PAN2: variants seen among roughly 807,000 people sequenced by gnomAD.
PAN2 encodes the protein PAN2-PAN3 deadenylation complex catalytic subunit PAN2.
A neutral mutation model predicts 133.3 loss-of-function variants in PAN2; 68 were observed. The ratio of observed to expected loss-of-function variants is 0.51; its 90% CI spans 0.42 to 0.62. PAN2 has a LOEUF of 0.62. Among genes scored for constraint, PAN2 ranks in the 20% least tolerant of loss-of-function variants. PAN2 has a pLI of 0.00. For synonymous variants in PAN2, 462 were observed against 544.6 expected, an observed-to-expected ratio of 0.85 and a Z score of 2.11; for missense variants, 1,042 against 1,500.5, an observed-to-expected ratio of 0.69 and a Z score of 5.05.
Position 56,317,183 on chromosome 12 carries a change from G to C in PAN2, c.*426C>G, listed in dbSNP as rs1874023228. 2 of 159,306 alleles carry C rather than the reference G, an allele frequency of 1.3e-5. No homozygotes were observed. Among genetic ancestry groups the C allele is most frequent in the Non-Finnish European group, 2.7e-5 (2 of 72,818 alleles). The allele number at this position is 159,306 out of a possible 1,614,324, so 9.9% of individuals were successfully genotyped here. ...ACACTCTACTTGCTGGCCCCTCCAGGTATCCCTGAAGCAGTTGGTGACTTG... is the reference window on the plus strand; with the variant it reads ...ACACTCTACTTGCTGGCCCCTCCAGCTATCCCTGAAGCAGTTGGTGACTTG... On this transcript the variant is annotated 3_prime_UTR_variant, in exon 26 of 26. Transcript: ENST00000440411.
rs566733976 is a variant in PAN2 at position 56,323,110 on chromosome 12, T to C, written c.2445A>G (p.Lys815=). The C allele has an allele frequency of 1.2e-6, 2 of 1,614,182 alleles. No individual in the cohort carries two copies. The highest frequency in any genetic ancestry group is 2.7e-5 in the African/African-American group (2 of 75,044). Residue 815 remains lysine, a synonymous_variant, in exon 17 of 26, where the codon AAA becomes AAG. Coordinates refer to ENST00000440411, the MANE Select transcript of PAN2 (RefSeq NM_014871.6). ...LPFSIRMKMT[K]NKGLDVCNWT... The stretch of plus-strand genomic sequence containing the variant: ...AATTGCAAACATCCAGCCCTTTGTT[T>C]TTGGTCATCTTCATGCGAATGGAGA...
Position 56,323,372 on chromosome 12 carries a change from T to C in PAN2, c.2284A>G (p.Met762Val), listed in dbSNP as rs774103783. 3.7e-6 allele frequency: 6 copies of C among 1,613,902 alleles called. No individual in the cohort carries two copies. The Admixed American group carries it at 5.0e-5, about 13-fold the overall frequency. Reference sequence around the variant, plus strand: ...TCCCCACCGTGTTTCTTTACTGCCATCTTGAAGGCAACCTGAACACAGAAG... The same window carrying C: ...TCCCCACCGTGTTTCTTTACTGCCACCTTGAAGGCAACCTGAACACAGAAG... ...WRMQAEVAFK[M>V]AVKKHGGEIS... is the part of the protein sequence containing the mutation. Residue 762 changes from methionine to valine, a missense_variant, in exon 16 of 26, where the codon ATG (methionine) becomes GTG (valine). Around this residue, in one of 3 missense-constraint regions of PAN2, gnomAD observed 908 missense variants for 1,223.5 expected, o/e 0.74. Transcript: ENST00000440411.
chr12:56,332,629 C>A (rs550567332), intron 2 of PAN2, 184 bp downstream of exon 2: 426 of 600,942 alleles, frequency 7.1e-4, no homozygotes, highest in African/African-American at 6.1e-3. Context: ...AGGGATGCCT[C>A]CTGAGAAAGA....
rs1159974237 is a variant in PAN2 at position 56,322,619 on chromosome 12, T to C, written c.2633A>G (p.Lys878Arg). The part of the protein sequence containing the change: ...IKVGETYHQR[K>R]EGVTHQQWYL... ...GCCCTCTACAACCTCACTCACCTCC[T>C]TGCGCTGGTGGTAGGTCTCTCCAAC... The change falls in exon 18 of 26, where the codon AAG becomes AGG. Residue 878 changes from lysine (K) to arginine (R), a missense_variant. This residue lies in a region of PAN2 where 908 missense variants were observed against 1,223.5 expected (regional missense o/e 0.74). Coordinates refer to ENST00000440411, the MANE Select transcript of PAN2 (RefSeq NM_014871.6). 2 of 1,614,046 alleles carry C rather than the reference T, an allele frequency of 1.2e-6. No individual in the cohort carries two copies. Among genetic ancestry groups the C allele is most frequent in the Non-Finnish European group, 1.7e-6 (2 of 1,180,016 alleles).
At chr12:56,322,257 GT>G in intron 19 of PAN2, 89 bp from the exon 20 acceptor site, 1 of 1,080,072 alleles carries the variant, frequency 9.3e-7, no homozygotes, top group Admixed American at 2.0e-5. Context: ...TCAGGTGCTA[GT>G]TTTTGTTTTT....
chr12:56,322,665 T>C lies in PAN2; in HGVS notation c.2587A>G (p.Ser863Gly). The change falls in exon 18 of 26, where the codon AGC becomes GGC. Residue 863 changes from serine (S) to glycine (G), a missense_variant. Ser to Gly is a moderately conservative substitution (Grantham distance 56). Transcript: ENST00000440411. ...CCAACTTTGATGTGAGCCACCAGGC[T>C]GCCCCCTGTGCGTGAGTCCAGGATG... ...VHILDSRTGG[S>G]LVAHIKVGET... 2 of 1,614,162 alleles carry C rather than the reference T, an allele frequency of 1.2e-6. No individual in the cohort carries two copies. Among genetic ancestry groups the C allele is most frequent in the Non-Finnish European group, 1.7e-6 (2 of 1,180,042 alleles).
intron 16 of PAN2, 23 bp downstream of exon 16, chr12:56,323,288 A>T (rs945523341): frequency 9.3e-6 from 15 of 1,613,902 alleles, no homozygotes; most frequent in Admixed American, 1.7e-5. Context: ...CAATCCTTTG[A>T]CAACTCCCAA....
At chr12:56,333,429 C>A in intron 1 of PAN2, 1 of 325,642 alleles carries the variant, frequency 3.1e-6, no homozygotes, top group African/African-American at 2.1e-5. Flanking sequence ...CTCCACCACC[C>A]CATTATCTAA....
chr12:56,320,568 C>A (rs1011263094), intron 20 of PAN2, among the ~76,000 whole-genome samples: 1 of 151,830 alleles, frequency 6.6e-6, no homozygotes, highest in Non-Finnish European at 1.5e-5. Context: ...CGCTTGAACC[C>A]GGGAGGCAGA....
rs1282447223 is a variant in PAN2, at chr12:56,317,640, G to A, written c.3566C>T (p.Ala1189Val). ...CGCCAGCACTGAGGAGAAGACAGCT[G>A]CATCTGTCAGAGACAAAACCAAAAG... ...EPEGQTSPKNAAVFSSVLAL is the reference protein window; with the variant it reads ...EPEGQTSPKNVAVFSSVLAL The change falls in exon 26 of 26, where the codon GCA becomes GTA. Residue 1189 changes from alanine (A) to valine (V), a missense_variant. Coordinates refer to ENST00000440411, the MANE Select transcript of PAN2 (RefSeq NM_014871.6). 6.8e-6 allele frequency: 11 copies of A among 1,613,360 alleles called. No homozygotes were observed. The highest frequency in any genetic ancestry group is 2.7e-5 in the African/African-American group (2 of 74,914).
chr12:56,324,151 G>T lies in PAN2; in HGVS notation c.1963C>A (p.Gln655Lys). 6.2e-7 allele frequency: 1 copy of T among 1,614,024 alleles called. No homozygotes were observed. The highest frequency in any genetic ancestry group is 8.5e-7 in the Non-Finnish European group (1 of 1,180,022). Residue 655 changes from glutamine (Q) to lysine (K), a missense_variant, in exon 13 of 26, where the codon CAG becomes AAG. Gln to Lys is a moderately conservative substitution (Grantham distance 53). Around this residue, in one of 3 missense-constraint regions of PAN2, gnomAD observed 908 missense variants for 1,223.5 expected, o/e 0.74. Coordinates refer to ENST00000440411, the MANE Select transcript of PAN2 (RefSeq NM_014871.6). ...TTCTCCATCTCACAGCTGAAGAGCT[G>T]CCCAATAACAGAGTCCCCCGATGAG... ...FCSSGDSVIG[Q>K]LFSCEMENCS... is the part of the protein sequence containing the mutation.
rs76452320 is a variant in PAN2 at position 56,317,451 on chromosome 12, G to A, written c.*158C>T. On this transcript the variant is annotated 3_prime_UTR_variant, in exon 26 of 26. Transcript: ENST00000440411. ...CTAGAACCTTTGCAACAATTCTGCT[G>A]TGTTCCAGTTCAATTAATAGCACCA... 1,662 of 653,174 alleles carry A rather than the reference G, an allele frequency of 2.5e-3. 4 individuals are homozygous for A. The highest frequency in any genetic ancestry group is 3.3e-3 in the Middle Eastern group (8 of 2,414). 40.5% of individuals were successfully genotyped at this position (653,174 alleles called of 1,614,324 possible).
In PAN2 at chr12:56,322,744, C is replaced by T; in HGVS notation, c.2508G>A (p.Arg836=). Residue 836 remains arginine, a synonymous_variant, in exon 18 of 26, where the codon AGG becomes AGA. Coordinates refer to ENST00000440411, the MANE Select transcript of PAN2 (RefSeq NM_014871.6). ...CATAGACACCATGCTCCTCCTCTGC[C>T]CTGGCTGGGCCCCACTGTGAGGGGG... ...DGDEMQWGPA[R]AEEEHGVYVY... 6.2e-7 allele frequency: 1 copy of T among 1,613,230 alleles called. No individual in the cohort carries two copies. Among genetic ancestry groups the T allele is most frequent in the East Asian group, 2.2e-5 (1 of 44,874 alleles).
At position 56,324,525 on chromosome 12, in the gene PAN2, T is replaced by C. The variant is rs767626948; in HGVS notation, c.1729-32A>G. On this transcript the variant is annotated intron_variant, in intron 11 of 25. Coordinates refer to ENST00000440411, the MANE Select transcript of PAN2 (RefSeq NM_014871.6). ...ATGTGTTGGTGGAAAGGGGTTATTT[T>C]GTCTTTTGTGTCCACCTTCCTTCCC... 4 of 1,612,348 alleles carry C rather than the reference T, an allele frequency of 2.5e-6. No individual in the cohort carries two copies. In the Admixed American group the frequency reaches 6.7e-5, roughly 27 times the overall value.
intron 20 of PAN2, 98 bp from the exon 21 acceptor site, chr12:56,320,119 T>C (rs1438790532): frequency 9.1e-7 from 1 of 1,098,680 alleles, no homozygotes; most frequent in Non-Finnish European, 1.4e-6. Context: ...GTCTTCACTG[T>C]GATCCCTCAA....
intron 17 of PAN2, 145 bp from the exon 18 acceptor site, chr12:56,322,903 A>T (rs1874718705): frequency 1.6e-6 from 2 of 1,260,038 alleles, no homozygotes; most frequent in Admixed American, 2.0e-5. Flanking sequence ...GGACCCCAAC[A>T]CTGAACTGAG....
chr12:56,318,627 G>A (rs1474038947), intron 24 of PAN2, 193 bp from the exon 25 acceptor site: 3 of 578,182 alleles, frequency 5.2e-6, no homozygotes, highest in East Asian at 5.7e-5. Flanking sequence ...CACTAACTGA[G>A]GGTCTCCCCT....
At position 56,326,597 on chromosome 12, in the gene PAN2, G is replaced by T; in HGVS notation, c.1262+20C>A. 6.3e-7 allele frequency: 1 copy of T among 1,596,628 alleles called. No homozygotes were observed. Among genetic ancestry groups the T allele is most frequent in the South Asian group, 1.1e-5 (1 of 89,816 alleles). On this transcript the variant is annotated intron_variant, in intron 7 of 25. Coordinates refer to ENST00000440411, the MANE Select transcript of PAN2 (RefSeq NM_014871.6). ...CTTTCCCTGTCCCTCCCGCCTTTTGGCCCAGAGGTAGGGTACAACCTGGGA... is the reference window on the plus strand; with the variant it reads ...CTTTCCCTGTCCCTCCCGCCTTTTGTCCCAGAGGTAGGGTACAACCTGGGA...
At chr12:56,326,286 G>T in intron 8 of PAN2, 27 bp downstream of exon 8, 2 of 1,551,834 alleles carry the variant, frequency 1.3e-6, no homozygotes, top group East Asian at 2.3e-5. Context: ...GGCCGGGGTC[G>T]GGGCTGACCC....
Sources: gnomAD v4.1 joint callset for allele counts (sites outside exome capture counted in the v4.1 genomes callset) on GRCh38, gnomAD v4.1.1 for gene constraint, gnomAD v4.1.1 regional missense constraint, MANE v1.5 for transcripts, NCBI Gene and HGNC (gene_info 2026-07-23, HGNC 2026-07-21) for gene names.